The following GRID2 variants were observed in gnomAD, a reference collection of about 807,000 sequenced individuals.
The protein encoded by GRID2 is glutamate ionotropic receptor delta type subunit 2.
Under a neutral mutation model 114.8 loss-of-function variants are expected in GRID2, and 33 were observed. That is an observed-to-expected ratio of 0.29 (90% CI 0.22 to 0.38). The LOEUF is 0.38. Ranked by LOEUF, GRID2 falls within the 10% of genes least tolerant of loss-of-function variation. GRID2 has a pLI of 1.00. For missense variants in GRID2, 1,184 were observed against 1,257.7 expected, an observed-to-expected ratio of 0.94 and a Z score of 0.89; for synonymous variants, 505 against 449.9, an observed-to-expected ratio of 1.12 and a Z score of -1.55.
intron 2 of GRID2, among the ~76,000 whole-genome samples, chr4:92,993,753 A>C (rs1755043980): frequency 6.6e-6 from 1 of 152,204 alleles, no homozygotes; most frequent in Non-Finnish European, 1.5e-5. Flanking sequence ...TACTTGTTCA[A>C]CACTATTTGT....
chr4:93,055,799 T>A (rs1240587200), intron 2 of GRID2, among the ~76,000 whole-genome samples: 1 of 152,026 alleles, frequency 6.6e-6, no homozygotes, highest in Admixed American at 6.6e-5. Flanking sequence ...CTTTTATATT[T>A]AATTTGCTTA....
rs192512494 is a variant in GRID2, at chr4:92,716,893, C to A, written c.244+126607C>A. ...TTATATTTTGATTTTCGATTCTGAC[C>A]TGATATCAGCAAAGCAATCTAAATA... On this transcript the variant is annotated intron_variant, in intron 2 of 15. Transcript: ENST00000282020. Among the ~76,000 whole-genome samples, 268 of 152,232 alleles carry A rather than the reference C, an allele frequency of 1.8e-3. 1 individual carries two copies. The highest frequency in any genetic ancestry group is 4.8e-3 in the Admixed American group (73 of 15,280).
chr4:93,233,335 ATT>A lies in GRID2; in HGVS notation c.1126-5026_1126-5025del, dbSNP rs1210273655. ...AAGGATTATTATTATTATTATTATT[ATT>A]TTTTTTTTTATTTTTTATTTTTTGA... On this transcript the variant is annotated intron_variant, in intron 7 of 15. Coordinates refer to ENST00000282020, the MANE Select transcript of GRID2 (RefSeq NM_001510.4). 7.0e-3 allele frequency among the ~76,000 whole-genome samples: 730 copies of A among 104,574 alleles called. 3 individuals carry two copies. Among genetic ancestry groups the A allele is most frequent in the African/African-American group, 0.023 (684 of 29,144 alleles). The allele number at this position is 104,574 out of a possible 152,430, so 68.6% of individuals were successfully genotyped here.
intron 14 of GRID2, among the ~76,000 whole-genome samples, chr4:93,758,839 C>T (rs1732974404): frequency 6.6e-6 from 1 of 152,156 alleles, no homozygotes; most frequent in African/African-American, 2.4e-5. Context: ...CAGAGATGAT[C>T]GTTGCCAGTT....
intron 2 of GRID2, among the ~76,000 whole-genome samples, chr4:92,673,258 A>C (rs1219682448): frequency 1.3e-5 from 2 of 152,190 alleles, no homozygotes; most frequent in Non-Finnish European, 2.9e-5. Context: ...TTTTGGATAA[A>C]TATACCACAT....
At chr4:93,323,212 T>G (rs1220477381) in intron 8 of GRID2, among the ~76,000 whole-genome samples, 1 of 152,204 alleles carries the variant, frequency 6.6e-6, no homozygotes, top group East Asian at 1.9e-4. Flanking sequence ...CCATCTTGAA[T>G]TAATTATCGT....
At chr4:93,257,769 G>T (rs968520718) in intron 8 of GRID2, among the ~76,000 whole-genome samples, 1 of 151,182 alleles carries the variant, frequency 6.6e-6, no homozygotes, top group African/African-American at 2.4e-5. Flanking sequence ...ATAGCATGAT[G>T]TGTGAGTGCC....
At chr4:92,391,669 C>G (rs560511448) in intron 1 of GRID2, among the ~76,000 whole-genome samples, 5 of 152,200 alleles carry the variant, frequency 3.3e-5, no homozygotes, top group Non-Finnish European at 5.9e-5. Context: ...GTGGATTACA[C>G]GTATAGGTAA....
intron 2 of GRID2, among the ~76,000 whole-genome samples, chr4:92,867,507 C>A (rs940041627): frequency 2.0e-5 from 3 of 151,822 alleles, no homozygotes; most frequent in African/African-American, 7.3e-5. Context: ...TTGAGTACTC[C>A]AGTCAGTCAA....
intron 8 of GRID2, chr4:93,318,983 T>A (rs2149204964): frequency 6.6e-6 from 1 of 152,300 alleles, no homozygotes; most frequent in Admixed American, 6.5e-5. Context: ...CTGTTTGTTT[T>A]GTTTTGGATT....
intron 14 of GRID2, among the ~76,000 whole-genome samples, chr4:93,701,273 C>T (rs114241503): frequency 1.1e-4 from 16 of 152,182 alleles, no homozygotes; most frequent in African/African-American, 3.6e-4. Context: ...AAAGTTGGAA[C>T]GAGTTTAGAG....
chr4:92,498,743 C>T (rs553658606), intron 1 of GRID2, among the ~76,000 whole-genome samples: 4 of 151,728 alleles, frequency 2.6e-5, no homozygotes, highest in South Asian at 2.1e-4. Context: ...ATAATCCCAT[C>T]GACATTCAGT....
At chr4:92,464,339 A>G (rs1179547955) in intron 1 of GRID2, among the ~76,000 whole-genome samples, 3 of 152,040 alleles carry the variant, frequency 2.0e-5, no homozygotes, top group Admixed American at 1.3e-4. Flanking sequence ...CCCCAATTCA[A>G]ATAAAGACTT....
chr4:92,793,398 G>A (rs1406120762), intron 2 of GRID2, among the ~76,000 whole-genome samples: 1 of 151,708 alleles, frequency 6.6e-6, no homozygotes, highest in African/African-American at 2.4e-5. Context: ...TTCTGAGGGT[G>A]GAGGGTCGGA....
intron 1 of GRID2, among the ~76,000 whole-genome samples, chr4:92,476,975 A>G (rs1722342093): frequency 6.6e-6 from 1 of 151,752 alleles, no homozygotes; most frequent in East Asian, 1.9e-4. Flanking sequence ...TATTTAAAAC[A>G]CTGTCATTCT....
intron 2 of GRID2, among the ~76,000 whole-genome samples, chr4:92,983,145 G>A (rs530972755): frequency 6.6e-6 from 1 of 152,074 alleles, no homozygotes; most frequent in Non-Finnish European, 1.5e-5. Flanking sequence ...TAAATAAAGT[G>A]ATTTGGCACA....
At chr4:93,513,974 A>G (rs1729447249) in intron 12 of GRID2, among the ~76,000 whole-genome samples, 1 of 152,186 alleles carries the variant, frequency 6.6e-6, no homozygotes, top group Non-Finnish European at 1.5e-5. Flanking sequence ...GATATACATT[A>G]CATGAGATTC....
intron 14 of GRID2, among the ~76,000 whole-genome samples, chr4:93,680,824 T>C (rs1404337062): frequency 6.6e-6 from 1 of 152,120 alleles, no homozygotes; most frequent in Non-Finnish European, 1.5e-5. Context: ...GCCAATATCA[T>C]ACTGAATGGG....
At position 92,811,648 on chromosome 4, in the gene GRID2, T is replaced by A. The variant is rs929252784; in HGVS notation, c.244+221362T>A. ...TGGCTGAATAATGAGTCAGGAAAAT[T>A]GACCTATATGATTTTTTTCTTCAGG... On this transcript the variant is annotated intron_variant, in intron 2 of 15. Coordinates refer to ENST00000282020, the MANE Select transcript of GRID2 (RefSeq NM_001510.4). Among the ~76,000 whole-genome samples, 13 of 152,060 alleles carry A rather than the reference T, an allele frequency of 8.5e-5. No homozygotes were observed. In the East Asian group the frequency reaches 2.3e-3, roughly 27 times the overall value.
Sources: gnomAD v4.1 joint callset for allele counts (sites outside exome capture counted in the v4.1 genomes callset) on GRCh38, gnomAD v4.1.1 for gene constraint, MANE v1.5 for transcripts, NCBI Gene and HGNC (gene_info 2026-07-23, HGNC 2026-07-21) for gene names.